Variants in ADGRG6 observed in about 807,000 individuals in gnomAD.
ADGRG6 encodes the protein G-protein coupled receptor 126.
Under a neutral mutation model 142.4 loss-of-function variants are expected in ADGRG6, and 84 were observed. That is an observed-to-expected ratio of 0.59 (90% CI 0.49 to 0.71). The LOEUF (loss-of-function observed/expected upper bound fraction) is 0.71. Among genes scored for constraint, ADGRG6 ranks in the 30% least tolerant of loss-of-function variants. The pLI, the probability that ADGRG6 is intolerant of heterozygous loss-of-function variation, is 0.00. For missense variants in ADGRG6, 1,367 were observed against 1,466.6 expected (o/e 0.93, Z 1.11); for synonymous variants, 521 against 520.5 (o/e 1.00, Z -0.01).
At chr6:142,409,151 A>G (rs1472299336) in intron 16 of ADGRG6, among the ~76,000 whole-genome samples, 2 of 152,134 alleles carry the variant, frequency 1.3e-5, no homozygotes, top group Admixed American at 6.6e-5. Flanking sequence ...CTCTCCTCCC[A>G]TTAAATACCC....
intron 1 of ADGRG6, among the ~76,000 whole-genome samples, chr6:142,308,264 G>T (rs1318882781): frequency 1.3e-5 from 2 of 151,894 alleles, no homozygotes; most frequent in Non-Finnish European, 1.5e-5. Flanking sequence ...TATTTTACAG[G>T]TAAGAAATAG....
chr6:142,367,522 A>G (rs1395615978), intron 2 of ADGRG6, 47 bp from the exon 3 acceptor site: 1 of 1,470,368 alleles, frequency 6.8e-7, no homozygotes, highest in South Asian at 1.2e-5. Flanking sequence ...TATTGCATGC[A>G]TCTGAACCCA....
chr6:142,332,194 G>A (rs1248890677), intron 2 of ADGRG6, among the ~76,000 whole-genome samples: 4 of 152,062 alleles, frequency 2.6e-5, no homozygotes, highest in Admixed American at 6.6e-5. Context: ...CTATACATAT[G>A]TAGTATATTA....
At chr6:142,377,463 C>T (rs141367103) in intron 4 of ADGRG6, among the ~76,000 whole-genome samples, 1,765 of 152,310 alleles carry the variant, frequency 0.012, 18 homozygotes, top group Non-Finnish European at 0.02. Context: ...CAGGTTTCCT[C>T]ATCTGCACGA....
intron 2 of ADGRG6, among the ~76,000 whole-genome samples, chr6:142,319,186 T>A (rs1778398258): frequency 6.6e-6 from 1 of 152,196 alleles, no homozygotes. Flanking sequence ...GAGATAGTAA[T>A]AGCACTTCAG....
intron 22 of ADGRG6, among the ~76,000 whole-genome samples, chr6:142,420,646 G>A (rs962779149): frequency 8.6e-5 from 13 of 152,038 alleles, no homozygotes; most frequent in African/African-American, 3.1e-4. Context: ...TATGAGAAAT[G>A]TTGAACATTT....
intron 1 of ADGRG6, among the ~76,000 whole-genome samples, chr6:142,306,056 A>G (rs1433225836): frequency 2.6e-5 from 4 of 152,212 alleles, no homozygotes; most frequent in Admixed American, 1.3e-4. Flanking sequence ...AGTCCCTTTT[A>G]TGAAAAGATT....
intron 2 of ADGRG6, among the ~76,000 whole-genome samples, chr6:142,334,786 C>T (rs1346332546): frequency 6.6e-6 from 1 of 152,098 alleles, no homozygotes; most frequent in Non-Finnish European, 1.5e-5. Flanking sequence ...TACTGTGTTT[C>T]ATAAGTATCT....
intron 2 of ADGRG6, among the ~76,000 whole-genome samples, chr6:142,339,095 C>A (rs899890555): frequency 6.6e-6 from 1 of 152,152 alleles, no homozygotes; most frequent in African/African-American, 2.4e-5. Context: ...AGTAGTTGTA[C>A]AAATCTCAGG....
chr6:142,357,645 T>C (rs932035186), intron 2 of ADGRG6, among the ~76,000 whole-genome samples: 19 of 152,174 alleles, frequency 1.2e-4, no homozygotes, highest in Non-Finnish European at 2.8e-4. Flanking sequence ...AAACTTGAGC[T>C]AACAAGCACA....
In ADGRG6 at chr6:142,443,879, A is replaced by G. The variant is rs1464282701; in HGVS notation, c.*364A>G. The G allele has an allele frequency of 1.2e-5, 2 of 160,580 alleles. No homozygotes were observed. The highest frequency in any genetic ancestry group is 1.4e-5 in the Non-Finnish European group (1 of 73,894). 9.9% of individuals were successfully genotyped at this position (160,580 alleles called of 1,614,324 possible). On this transcript the variant is annotated 3_prime_UTR_variant, in exon 25 of 25. Coordinates refer to ENST00000367609, the MANE Select transcript of ADGRG6 (RefSeq NM_198569.3). The stretch of plus-strand genomic sequence containing the variant: ...GATAGAGCTCATTTTACTCCACCTA[A>G]TCGTTATATCTGGATATACCCATTT...
chr6:142,314,698 G>C (rs1777938065), intron 2 of ADGRG6, among the ~76,000 whole-genome samples: 1 of 152,226 alleles, frequency 6.6e-6, no homozygotes, highest in South Asian at 2.1e-4. Context: ...AATAAAGTCA[G>C]TAGGAATAAG....
At chr6:142,422,383 C>T (rs1776703471) in intron 22 of ADGRG6, among the ~76,000 whole-genome samples, 4 of 152,040 alleles carry the variant, frequency 2.6e-5, no homozygotes, top group Admixed American at 2.6e-4. Flanking sequence ...TCTCATTGTT[C>T]AATTCCCACC....
chr6:142,416,999 T>A (rs1032693363), intron 20 of ADGRG6: 1 of 447,988 alleles, frequency 2.2e-6, no homozygotes, highest in Non-Finnish European at 4.1e-6. Context: ...AGTTTTCCAG[T>A]GAGTCCCACT....
chr6:142,380,910 T>C (rs1434526711), intron 4 of ADGRG6, among the ~76,000 whole-genome samples: 1 of 152,184 alleles, frequency 6.6e-6, no homozygotes, highest in Non-Finnish European at 1.5e-5. Context: ...GTTTGTTGAG[T>C]GAATGTGTAA....
chr6:142,341,486 C>T (rs1230982257), intron 2 of ADGRG6, among the ~76,000 whole-genome samples: 1 of 105,836 alleles, frequency 9.4e-6, no homozygotes, highest in East Asian at 2.4e-4. Flanking sequence ...AGTATATATA[C>T]TATATAATAT....
intron 4 of ADGRG6, among the ~76,000 whole-genome samples, chr6:142,380,140 A>G (rs1338567798): frequency 6.6e-6 from 1 of 152,160 alleles, no homozygotes; most frequent in Admixed American, 6.5e-5. Flanking sequence ...AGGGTTGTGG[A>G]TACCAAGATT....
intron 13 of ADGRG6, among the ~76,000 whole-genome samples, chr6:142,403,319 A>G (rs1241871934): frequency 6.6e-6 from 1 of 152,106 alleles, no homozygotes; most frequent in Non-Finnish European, 1.5e-5. Flanking sequence ...TAAAATATTT[A>G]ATGTTTTTCT....
In ADGRG6 at chr6:142,309,582, A is replaced by T. The variant is rs1284570979; in HGVS notation, c.41A>T (p.Lys14Ile). ...GATCGAATGTGGAGCTGCCATTGGA[A>T]ATGGAAGCCCAGTCCTCTCCTGTTC... ...RSDRMWSCHW[K>I]WKPSPLLFLF... The change falls in exon 2 of 25, where the codon AAA becomes ATA. Residue 14 changes from lysine to isoleucine, a missense_variant. Lys to Ile is a moderately radical substitution (Grantham distance 102). Transcript: ENST00000367609. 6.8e-6 allele frequency: 11 copies of T among 1,609,906 alleles called. No homozygotes were observed. Among genetic ancestry groups the T allele is most frequent in the Non-Finnish European group, 9.3e-6 (11 of 1,177,722 alleles).
Sources: allele counts gnomAD v4.1 joint callset (sites outside exome capture counted in the v4.1 genomes callset), GRCh38; gene constraint gnomAD v4.1.1; transcripts MANE v1.5; gene names NCBI Gene and HGNC (gene_info 2026-07-23, HGNC 2026-07-21).